CRB1: variants seen among roughly 807,000 people sequenced by gnomAD.
CRB1 encodes the protein protein crumbs homolog 1.
CRB1 carries 83 observed loss-of-function variants against 120.0 expected under a neutral mutation model. The observed-to-expected ratio is 0.69, with a 90% CI of 0.58 to 0.83. The LOEUF (loss-of-function observed/expected upper bound fraction) is 0.83, where lower values mean the gene tolerates loss of function less well. Among genes scored for constraint, CRB1 ranks in the 40% least tolerant of loss-of-function variants. The pLI is 0.00. For missense variants in CRB1, 1,699 were observed against 1,687.6 expected (o/e 1.01, Z -0.12); for synonymous variants, 625 against 612.5 (o/e 1.02, Z -0.30).
At position 197,320,805 on chromosome 1, in the gene CRB1, A is replaced by C. The variant is rs140951091; in HGVS notation, c.71-7617A>C. On this transcript the variant is annotated intron_variant, in intron 1 of 11. Coordinates refer to ENST00000367400, the MANE Select transcript of CRB1 (RefSeq NM_201253.3). ...TCAAGTAAAGCACTCTTATTAAACTATTAATTAAATTAATTGATTTGAAGT... is the reference window on the plus strand; with the variant it reads ...TCAAGTAAAGCACTCTTATTAAACTCTTAATTAAATTAATTGATTTGAAGT... Among the ~76,000 whole-genome samples the C allele has an allele frequency of 6.0e-3, 919 of 152,328 alleles. 11 individuals are homozygous for C. Among genetic ancestry groups the C allele is most frequent in the African/African-American group, 0.021 (864 of 41,576 alleles).
intron 5 of CRB1, among the ~76,000 whole-genome samples, chr1:197,405,178 T>A (rs1029929433): frequency 1.3e-5 from 2 of 151,982 alleles, no homozygotes; most frequent in African/African-American, 4.8e-5. Flanking sequence ...CCTCCCTGCC[T>A]GATTCTCCTG....
At chr1:197,363,908 C>T (rs974510045) in intron 5 of CRB1, 5 of 1,221,658 alleles carry the variant, frequency 4.1e-6, no homozygotes, top group Non-Finnish European at 6.0e-6. Flanking sequence ...AGAATCCTCA[C>T]TACGGATGGG....
At chr1:197,460,234 G>C (rs2125546532) in intron 11 of CRB1, among the ~76,000 whole-genome samples, 1 of 151,940 alleles carries the variant, frequency 6.6e-6, no homozygotes, top group South Asian at 2.1e-4. Context: ...GCAATAGACT[G>C]ATGTTATTAC....
intron 5 of CRB1, among the ~76,000 whole-genome samples, chr1:197,411,378 G>A (rs947926591): frequency 6.6e-6 from 1 of 152,140 alleles, no homozygotes; most frequent in Non-Finnish European, 1.5e-5. Flanking sequence ...ACCATAGGCT[G>A]CTGTACATTA....
At chr1:197,261,414 T>G in the CRB1 span, among the ~76,000 whole-genome samples, 1 of 152,240 alleles carries the variant, frequency 6.6e-6, no homozygotes, top group Admixed American at 6.5e-5. Flanking sequence ...AAATGCCGCG[T>G]GGCATTAAAA....
At chr1:197,310,331 T>G (rs1391728190) in intron 1 of CRB1, among the ~76,000 whole-genome samples, 1 of 152,078 alleles carries the variant, frequency 6.6e-6, no homozygotes, top group Admixed American at 6.5e-5. Context: ...TAGGAACACA[T>G]CGTCTTTTGT....
In CRB1 at chr1:197,343,533, A is replaced by T. The variant is rs575130831; in HGVS notation, c.653-748A>T. On this transcript the variant is annotated intron_variant, in intron 2 of 11. Coordinates refer to ENST00000367400, the MANE Select transcript of CRB1 (RefSeq NM_201253.3). ...AATGAAGTGTTAATAGCTTCTAATG[A>T]TGCCATTAATTACATTGTCACCAGT... Among the ~76,000 whole-genome samples the T allele has an allele frequency of 2.6e-5, 4 of 152,198 alleles. No individual in the cohort carries two copies. The South Asian group carries it at 8.3e-4, about 32-fold the overall frequency.
the CRB1 span, among the ~76,000 whole-genome samples, chr1:197,254,505 C>T: frequency 6.6e-6 from 1 of 152,082 alleles, no homozygotes; most frequent in African/African-American, 2.4e-5. Context: ...TTCATATCGT[C>T]TCTCTTACCT....
chr1:197,252,673 T>C, the CRB1 span, among the ~76,000 whole-genome samples: 1 of 145,374 alleles, frequency 6.9e-6, no homozygotes, highest in Non-Finnish European at 1.5e-5. Context: ...AAATAAAACT[T>C]ATTATGGGAA....
chr1:197,398,781 G>A lies in CRB1; in HGVS notation c.1172-22219G>A, dbSNP rs1662904366. Among the ~76,000 whole-genome samples, 3 of 151,966 alleles carry A rather than the reference G, an allele frequency of 2.0e-5. No homozygotes were observed. In the South Asian group the frequency reaches 6.2e-4, roughly 32 times the overall value. ...AGAAATCAATCTGTATCCCAGGGAA[G>A]GAGTAGAGGCACTATATATACATAT... On this transcript the variant is annotated intron_variant, in intron 5 of 11. Coordinates refer to ENST00000367400, the MANE Select transcript of CRB1 (RefSeq NM_201253.3).
In CRB1 at chr1:197,421,698, G is replaced by C; in HGVS notation, c.1870G>C (p.Gly624Arg). The change falls in exon 6 of 12, where the codon GGT (glycine) becomes CGT (arginine). Residue 624 changes from glycine to arginine, a missense_variant. Transcript: ENST00000367400. ...TTTACCAGTGGGAATGACCAGCAAT[G>C]GTGTTGCTCTGCTTAACTTCTATAA... The part of the protein sequence containing the change: ...GGLPVGMTSN[G>R]VALLNFYNMP... 1 of 1,614,102 alleles carries C rather than the reference G, an allele frequency of 6.2e-7. No homozygotes were observed. The highest frequency in any genetic ancestry group is 1.7e-5 in the Admixed American group (1 of 60,020).
In CRB1 at chr1:197,442,251, C is replaced by T; in HGVS notation, c.3964C>T (p.Leu1322Phe). The change falls in exon 11 of 12, where the codon CTC becomes TTC. Residue 1322 changes from leucine to phenylalanine, a missense_variant. Physicochemically the swap from Leu to Phe is conservative, Grantham distance 22 (BLOSUM62 0). Transcript: ENST00000367400. ...CQDLLNKFQC[L>F]CDVAFAGERC... ...GGACTTACTCAACAAATTCCAGTGC[C>T]TCTGTGATGTTGCCTTTGCTGGCGA... The T allele has an allele frequency of 6.2e-7, 1 of 1,614,188 alleles. No individual in the cohort carries two copies. Among genetic ancestry groups the T allele is most frequent in the Non-Finnish European group, 8.5e-7 (1 of 1,180,036 alleles).
rs557477534 is a variant in CRB1 at position 197,283,796 on chromosome 1, CAG to C, written c.70+15316_70+15317del. On this transcript the variant is annotated intron_variant, in intron 1 of 11. Coordinates refer to ENST00000367400, the MANE Select transcript of CRB1 (RefSeq NM_201253.3). ...CCAAAAATCTTCAATAAACATAAAA[CAG>C]ATTATTATTTATATTAAAATAAATT... is the stretch of plus-strand genomic sequence containing the variant. 3.1e-3 allele frequency among the ~76,000 whole-genome samples: 475 copies of C among 151,174 alleles called. 1 individual carries two copies. The highest frequency in any genetic ancestry group is 0.011 in the African/African-American group (451 of 41,388).
the CRB1 span, among the ~76,000 whole-genome samples, chr1:197,212,595 A>G: frequency 1.3e-5 from 2 of 152,176 alleles, no homozygotes; most frequent in Non-Finnish European, 2.9e-5. Context: ...GTGTGGAGAC[A>G]GCTGGGGAAC....
rs1667278819 is a variant in CRB1, at chr1:197,478,052, A to G, written c.*173A>G. On this transcript the variant is annotated 3_prime_UTR_variant, in exon 12 of 12. Coordinates refer to ENST00000367400, the MANE Select transcript of CRB1 (RefSeq NM_201253.3). ...TTTCACAGTGGTTCCGCTCGACACC[A>G]TTGTTTTATTATATTATATCAGCCA... 1 of 696,386 alleles carries G rather than the reference A, an allele frequency of 1.4e-6. No individual in the cohort carries two copies. The highest frequency in any genetic ancestry group is 2.2e-5 in the Admixed American group (1 of 44,544). The allele number at this position is 696,386 out of a possible 1,614,324, so 43.1% of individuals were successfully genotyped here. A position where few individuals can be genotyped will look rare whatever the true frequency, so the allele number is the denominator to read the frequency against.
rs531305918 is a variant in CRB1 at position 197,429,597 on chromosome 1, T to G, written c.2825T>G (p.Val942Gly). The G allele has an allele frequency of 6.2e-7, 1 of 1,613,986 alleles. No homozygotes were observed. The highest frequency in any genetic ancestry group is 1.7e-5 in the Admixed American group (1 of 60,000). ...PCPHGAQCQP[V>G]LQGFECIANA... The stretch of plus-strand genomic sequence containing the variant: ...CCTCACGGAGCCCAGTGCCAGCCGG[T>G]GCTTCAAGGATTTGAATGTAGGTAG... Residue 942 changes from valine to glycine, a missense_variant, in exon 8 of 12, where the codon GTG becomes GGG. By Grantham distance (109) the Val-to-Gly change is moderately radical (BLOSUM62 -3). Transcript: ENST00000367400.
chr1:197,240,293 C>T, the CRB1 span, among the ~76,000 whole-genome samples: 2 of 151,980 alleles, frequency 1.3e-5, no homozygotes, highest in South Asian at 2.1e-4. Flanking sequence ...TAAGTATACA[C>T]GTGCCATGGT....
the CRB1 span, among the ~76,000 whole-genome samples, chr1:197,243,312 T>C: frequency 6.6e-6 from 1 of 152,338 alleles, no homozygotes; most frequent in East Asian, 1.9e-4. Flanking sequence ...CCTATGGGCA[T>C]TTAATGCTAT....
At chr1:197,431,802 G>C (rs1260475182) in intron 8 of CRB1, among the ~76,000 whole-genome samples, 2 of 152,162 alleles carry the variant, frequency 1.3e-5, no homozygotes, top group Non-Finnish European at 1.5e-5. Context: ...TTAGTGTAGA[G>C]AGAAAACGTA....
Sources: gnomAD v4.1 joint callset for allele counts (sites outside exome capture counted in the v4.1 genomes callset) on GRCh38, gnomAD v4.1.1 for gene constraint, MANE v1.5 for transcripts, NCBI Gene and HGNC (gene_info 2026-07-23, HGNC 2026-07-21) for gene names.